PRH1: variants seen among roughly 807,000 people sequenced by gnomAD.
PRH1 encodes proline rich protein HaeIII subfamily 1, also known as salivary acidic proline-rich phosphoprotein 1/2.
A neutral mutation model predicts 7.9 loss-of-function variants in PRH1; 7 were observed. The ratio of observed to expected loss-of-function variants is 0.89; its 90% CI spans 0.50 to 1.67. The LOEUF (loss-of-function observed/expected upper bound fraction) is 1.67. PRH1 is among the 40% of genes most tolerant of loss of function. The pLI, the probability that PRH1 is intolerant of heterozygous loss-of-function variation, is 0.00. For missense variants in PRH1, 109 were observed against 223.6 expected (o/e 0.49, Z 3.27); for synonymous variants, 45 against 80.8 (o/e 0.56, Z 2.38).
chr12:11,018,975 G>A (rs1941443332), intron 1 of PRH1, among the ~76,000 whole-genome samples: 3 of 150,232 alleles, frequency 2.0e-5, no homozygotes, highest in Non-Finnish European at 3.0e-5. Flanking sequence ...GGGAAACATA[G>A]GGAAAGGGGA....
At chr12:10,955,082 C>T (rs1937886646) in intron 2 of PRH1, among the ~76,000 whole-genome samples, 1 of 152,092 alleles carries the variant, frequency 6.6e-6, no homozygotes, top group Non-Finnish European at 1.5e-5. Context: ...ACCAAATGAA[C>T]CTAATAGACA....
chr12:11,101,308 A>C (rs2597970), intron 1 of PRH1, among the ~76,000 whole-genome samples: 69,178 of 151,976 alleles, frequency 0.46, 16,559 homozygotes, highest in Non-Finnish European at 0.53. Flanking sequence ...GGCAACATGG[A>C]AAAACCATGT....
At position 11,082,530 on chromosome 12, in the gene PRH1, T is replaced by G. The variant is rs1256571464; in HGVS notation, n.124-35342A>C. On this transcript the variant is annotated intron_variant and non_coding_transcript_variant, in intron 1 of 4. Transcript: ENST00000541977. The stretch of plus-strand genomic sequence containing the variant: ...CATGTTGGCCAGGCTGGTCTGGAAC[T>G]CTTGACCTCAGGTGATCGGCCAGCC... Among the ~76,000 whole-genome samples, 6 of 114,156 alleles carry G rather than the reference T, an allele frequency of 5.3e-5. 2 individuals carry two copies. The allele number at this position is 114,156 out of a possible 152,430, so 74.9% of individuals were successfully genotyped here.
intron 1 of PRH1, among the ~76,000 whole-genome samples, chr12:10,998,743 ATT>A (rs1170826407): frequency 6.6e-6 from 1 of 152,136 alleles, no homozygotes; most frequent in Non-Finnish European, 1.5e-5. Context: ...GCTTGTAAAC[ATT>A]CCTGAGTACC....
In PRH1 at chr12:10,903,931, C is replaced by CAAAAAAAAAAAAAAA. The variant is rs546066515; in HGVS notation, c.-58-19671_-58-19657dup. Among the ~76,000 whole-genome samples, 56 of 31,096 alleles carry CAAAAAAAAAAAAAAA rather than the reference C, an allele frequency of 1.8e-3. 2 individuals carry two copies. Among genetic ancestry groups the CAAAAAAAAAAAAAAA allele is most frequent in the East Asian group, 7.4e-3 (5 of 674 alleles). The allele number at this position is 31,096 out of a possible 152,430, so 20.4% of individuals were successfully genotyped here. On this transcript the variant is annotated intron_variant, in intron 2 of 3. Transcript: ENST00000539853. ...AATGCAATCCCATTTACAATAGCCT[C>CAAAAAAAAAAAAAAA]AAAAAAAAAAAAAAAAAAAAAAACA...
intron 1 of PRH1, chr12:11,022,556 G>A: frequency 6.2e-7 from 1 of 1,609,950 alleles, no homozygotes; most frequent in Non-Finnish European, 8.5e-7. Context: ...GAAATGATGA[G>A]CAGAAAACAC....
At chr12:11,149,334 G>C (rs1592108506) in intron 1 of PRH1, among the ~76,000 whole-genome samples, 1 of 152,110 alleles carries the variant, frequency 6.6e-6, no homozygotes, top group South Asian at 2.1e-4. Flanking sequence ...GCTAGCTTTT[G>C]AATGTGTTTG....
intron 1 of PRH1, among the ~76,000 whole-genome samples, chr12:11,111,725 G>C (rs1265960145): frequency 6.6e-6 from 1 of 152,010 alleles, no homozygotes; most frequent in African/African-American, 2.4e-5. Flanking sequence ...TGACACCCTA[G>C]CATCACAATT....
intron 2 of PRH1, among the ~76,000 whole-genome samples, chr12:10,936,433 A>AGATATAAAGT (rs1950289209): frequency 6.6e-6 from 1 of 152,192 alleles, no homozygotes; most frequent in South Asian, 2.1e-4. Context: ...TAAGTTGTAC[A>AGATATAAAGT]GATATAAAGT....
At chr12:11,023,515 C>A (rs1216851195) in intron 1 of PRH1, among the ~76,000 whole-genome samples, 1 of 152,150 alleles carries the variant, frequency 6.6e-6, no homozygotes, top group Non-Finnish European at 1.5e-5. Context: ...GTCACATAAT[C>A]CTGCAGTACC....
intron 1 of PRH1, among the ~76,000 whole-genome samples, chr12:11,102,450 C>T (rs1475334132): frequency 6.8e-6 from 1 of 147,916 alleles, no homozygotes; most frequent in Non-Finnish European, 1.5e-5. Context: ...GGAAAGGATT[C>T]CCTATTTAAT....
chr12:11,067,915 G>A (rs768998780), intron 1 of PRH1, among the ~76,000 whole-genome samples: 1 of 152,028 alleles, frequency 6.6e-6, no homozygotes, highest in Non-Finnish European at 1.5e-5. Context: ...GTACCATAAT[G>A]CTCTATTCTC....
chr12:11,069,751 A>G (rs1943981018), intron 1 of PRH1, among the ~76,000 whole-genome samples: 1 of 152,198 alleles, frequency 6.6e-6, no homozygotes, highest in Admixed American at 6.5e-5. Context: ...TGGAGCTGAA[A>G]AGCTCATTCC....
intron 1 of PRH1, among the ~76,000 whole-genome samples, chr12:11,150,239 A>G (rs1038626146): frequency 1.3e-4 from 20 of 151,538 alleles, no homozygotes; most frequent in Admixed American, 2.0e-4. Context: ...AAACTAGTTC[A>G]ACCATTGTGG....
At chr12:11,126,610 C>T (rs1798935783) in intron 1 of PRH1, among the ~76,000 whole-genome samples, 1 of 138,412 alleles carries the variant, frequency 7.2e-6, no homozygotes, top group South Asian at 2.5e-4. Context: ...GATAAGAGTG[C>T]AATAGTGGGT....
chr12:11,126,614 A>G (rs1946139443), intron 1 of PRH1, among the ~76,000 whole-genome samples: 1 of 152,204 alleles, frequency 6.6e-6, no homozygotes, highest in South Asian at 2.1e-4. Flanking sequence ...AGAGTGCAAT[A>G]GTGGGTCTTC....
chr12:10,903,481 A>G (rs1170046412), intron 2 of PRH1, among the ~76,000 whole-genome samples: 2 of 151,980 alleles, frequency 1.3e-5, no homozygotes, highest in African/African-American at 4.8e-5. Flanking sequence ...GAAATTCTGG[A>G]CTCTTGAAAA....
intron 1 of PRH1, chr12:11,079,309 C>T (rs529363097): frequency 5.2e-5 from 6 of 114,578 alleles, no homozygotes; most frequent in African/African-American, 1.8e-4. Context: ...AGATTTAAGA[C>T]GGCTTCCATA....
intron 1 of PRH1, among the ~76,000 whole-genome samples, chr12:11,155,088 A>G (rs939007498): frequency 1.3e-5 from 2 of 152,190 alleles, no homozygotes; most frequent in African/African-American, 4.8e-5. Flanking sequence ...ACATAAAAAC[A>G]TTTTCATTCC....
Sources: allele counts gnomAD v4.1 joint callset (sites outside exome capture counted in the v4.1 genomes callset), GRCh38; gene constraint gnomAD v4.1.1; transcripts MANE v1.5; gene names NCBI Gene and HGNC (gene_info 2026-07-23, HGNC 2026-07-21).